The following KDM4C variants were observed in gnomAD, a reference collection of about 807,000 sequenced individuals.
KDM4C encodes the protein lysine-specific demethylase 4C.
Under a neutral mutation model 129.3 loss-of-function variants are expected in KDM4C, and 81 were observed. That is an observed-to-expected ratio of 0.63 (90% CI 0.52 to 0.75). The LOEUF (loss-of-function observed/expected upper bound fraction) is 0.75. KDM4C is among the 30% of genes least tolerant of loss of function. The pLI is 0.00. For synonymous variants in KDM4C, 573 were observed against 456.1 expected (o/e 1.26, Z -3.26); for missense variants, 1,457 against 1,304.0 (o/e 1.12, Z -1.81).
rs1228096099 is a variant in KDM4C, at chr9:6,819,285, A to G, written c.435+4540A>G. Among the ~76,000 whole-genome samples the G allele has an allele frequency of 1.3e-5, 2 of 152,194 alleles. 1 individual carries two copies. Among genetic ancestry groups the G allele is most frequent in the South Asian group, 4.1e-4 (2 of 4,830 alleles). ...GGACTTTGGTTTGCAGTGCTTATCA[A>G]TTTACTGCTTGTGTTTGAAAGCCAT... On this transcript the variant is annotated intron_variant, in intron 4 of 21. Coordinates refer to ENST00000381309, the MANE Select transcript of KDM4C (RefSeq NM_015061.6).
At chr9:7,037,374 A>G (rs374259066) in intron 15 of KDM4C, among the ~76,000 whole-genome samples, 3 of 152,186 alleles carry the variant, frequency 2.0e-5, no homozygotes, top group Non-Finnish European at 2.9e-5. Context: ...GTTTTATAGA[A>G]GAGACATTGG....
chr9:6,977,050 G>A (rs1011995560), intron 8 of KDM4C, among the ~76,000 whole-genome samples: 19 of 152,246 alleles, frequency 1.2e-4, no homozygotes, highest in African/African-American at 4.1e-4. Flanking sequence ...GTTTTGACAT[G>A]TTTCCCAGGC....
intron 5 of KDM4C, among the ~76,000 whole-genome samples, chr9:6,856,287 CT>C (rs1181171874): frequency 1.3e-5 from 2 of 151,998 alleles, no homozygotes; most frequent in African/African-American, 2.4e-5. Context: ...TATTTAGTAA[CT>C]TTAGACCCAG....
chr9:6,723,264 A>G lies in KDM4C; in HGVS notation c.49+2267A>G, dbSNP rs528406236. Among the ~76,000 whole-genome samples the G allele has an allele frequency of 1.4e-4, 22 of 151,992 alleles. 1 individual carries two copies. In the South Asian group the frequency reaches 4.6e-3, roughly 32 times the overall value. ...GTGGTGGGCGACTGTAATCCCAGCT[A>G]CTCGGGAGGCTGAGGTATGAGAATT... On this transcript the variant is annotated intron_variant, in intron 1 of 17. Coordinates refer to the KDM4C transcript ENST00000536108.
chr9:6,743,121 G>C (rs1038936790), intron 1 of KDM4C, among the ~76,000 whole-genome samples: 1 of 152,224 alleles, frequency 6.6e-6, no homozygotes, highest in Non-Finnish European at 1.5e-5. Flanking sequence ...TGCTGACAAA[G>C]GATTACTAAT....
intron 4 of KDM4C, among the ~76,000 whole-genome samples, chr9:6,820,223 T>C (rs1288394503): frequency 1.3e-5 from 2 of 152,180 alleles, no homozygotes; most frequent in Non-Finnish European, 2.9e-5. Flanking sequence ...TAAGACTTTC[T>C]GGAGTGGGGA....
At chr9:7,164,076 A>T (rs1844100923) in intron 19 of KDM4C, among the ~76,000 whole-genome samples, 1 of 152,216 alleles carries the variant, frequency 6.6e-6, no homozygotes, top group Admixed American at 6.5e-5. Flanking sequence ...TATGCCTCTC[A>T]TTTAAACCAC....
intron 12 of KDM4C, among the ~76,000 whole-genome samples, chr9:6,995,736 G>A (rs1032976304): frequency 1.3e-4 from 20 of 151,944 alleles, no homozygotes; most frequent in Admixed American, 9.8e-4. Context: ...CAGTGGCGCA[G>A]TCTCAGCTCA....
chr9:7,161,435 G>A (rs931078334), intron 19 of KDM4C, among the ~76,000 whole-genome samples: 4 of 152,154 alleles, frequency 2.6e-5, no homozygotes, highest in Admixed American at 1.3e-4. Context: ...AGCTGCAGAC[G>A]GGAGCTGTTC....
At chr9:6,856,021 G>A (rs377610132) in intron 5 of KDM4C, among the ~76,000 whole-genome samples, 8 of 152,170 alleles carry the variant, frequency 5.3e-5, no homozygotes, top group Admixed American at 2.0e-4. Flanking sequence ...GATTATAGGC[G>A]TGAGTCACCA....
chr9:6,923,261 CAAAG>C (rs112137744), intron 8 of KDM4C, among the ~76,000 whole-genome samples: 5,203 of 151,752 alleles, frequency 0.034, 131 homozygotes, highest in African/African-American at 0.067. Flanking sequence ...AAAAATTCTG[CAAAG>C]AATGTTGCAC....
At chr9:6,849,134 C>T (rs114813152) in intron 4 of KDM4C, among the ~76,000 whole-genome samples, 3,486 of 152,172 alleles carry the variant, frequency 0.023, 119 homozygotes, top group African/African-American at 0.079. Flanking sequence ...TCTCAAAACC[C>T]CAAAAACAAA....
rs145798228 is a variant in KDM4C, at chr9:6,886,975, A to G, written c.680-985A>G. 3.4e-3 allele frequency among the ~76,000 whole-genome samples: 522 copies of G among 152,294 alleles called. 2 individuals carry two copies. The highest frequency in any genetic ancestry group is 0.031 in the Middle Eastern group (9 of 294). The stretch of plus-strand genomic sequence containing the variant: ...AGAGATCCACAGAGTTAGATGTCAC[A>G]TTTCCAGCAGTTTCCCCCCTCATTC... On this transcript the variant is annotated intron_variant, in intron 6 of 21. Transcript: ENST00000381309.
At chr9:6,879,376 G>T (rs1000221281) in intron 5 of KDM4C, among the ~76,000 whole-genome samples, 6 of 152,012 alleles carry the variant, frequency 3.9e-5, no homozygotes, top group Non-Finnish European at 7.4e-5. Flanking sequence ...TTCTTTAAGG[G>T]TGAAAATTTT....
In KDM4C at chr9:6,896,821, A is replaced by G. The variant is rs555973751; in HGVS notation, c.921+3589A>G. ...GAGAACAGGGGTGAGAGTAGAGTTG[A>G]CACTGGGAGGGGTTCAAGGTCTGCT... is the stretch of plus-strand genomic sequence containing the variant. On this transcript the variant is annotated intron_variant, in intron 8 of 21. Transcript: ENST00000381309. Among the ~76,000 whole-genome samples the G allele has an allele frequency of 3.9e-5, 6 of 152,238 alleles. No individual in the cohort carries two copies. In the East Asian group the frequency reaches 1.2e-3, roughly 29 times the overall value.
chr9:6,817,268 C>T (rs1303426256), intron 4 of KDM4C, among the ~76,000 whole-genome samples: 5 of 129,902 alleles, frequency 3.8e-5, no homozygotes, highest in Non-Finnish European at 6.2e-5. Context: ...ATGGCATGAT[C>T]ACGGCTCACT....
rs150040518 is a variant in KDM4C at position 6,817,593 on chromosome 9, A to G, written c.435+2848A>G. Among the ~76,000 whole-genome samples the G allele has an allele frequency of 4.1e-3, 621 of 152,248 alleles. 8 individuals carry two copies. The highest frequency in any genetic ancestry group is 0.014 in the African/African-American group (596 of 41,546). On this transcript the variant is annotated intron_variant, in intron 4 of 21. Transcript: ENST00000381309. ...AATAGTAAAAATAAAAGTTAAAAAA[A>G]TAGCCTTTCCTCATTCTGCATCTGA...
intron 15 of KDM4C, among the ~76,000 whole-genome samples, chr9:7,020,560 T>A (rs1420139604): frequency 2.6e-5 from 4 of 152,240 alleles, no homozygotes; most frequent in Non-Finnish European, 5.9e-5. Context: ...TTCCAAACAT[T>A]ACCAAATCCA....
chr9:7,139,767 T>C (rs1244159700), intron 19 of KDM4C, among the ~76,000 whole-genome samples: 2 of 152,218 alleles, frequency 1.3e-5, no homozygotes, highest in East Asian at 3.8e-4. Flanking sequence ...ATGCTGGAAC[T>C]TTATCTCATA....
Sources: allele counts gnomAD v4.1 joint callset (sites outside exome capture counted in the v4.1 genomes callset), GRCh38; gene constraint gnomAD v4.1.1; transcripts MANE v1.5; gene names NCBI Gene and HGNC (gene_info 2026-07-23, HGNC 2026-07-21).